Variants in FKBP1B observed in about 807,000 individuals in gnomAD.
The protein encoded by FKBP1B is peptidyl-prolyl cis-trans isomerase FKBP1B.
FKBP1B carries 4 observed loss-of-function variants against 13.5 expected under a neutral mutation model. The ratio of observed to expected loss-of-function variants is 0.30; its 90% CI spans 0.15 to 0.68. The LOEUF (loss-of-function observed/expected upper bound fraction) is 0.68, where lower values mean the gene tolerates loss of function less well. Among genes scored for constraint, FKBP1B ranks in the 30% least tolerant of loss-of-function variants. The probability of loss-of-function intolerance (pLI) is 0.76; values close to 1 mark genes in which losing one functional copy is unlikely to be tolerated. For synonymous variants in FKBP1B, 54 were observed against 53.6 expected (o/e 1.01, Z -0.03); for missense variants, 93 against 136.2 (o/e 0.68, Z 1.58).
In FKBP1B at chr2:24,049,871, A is replaced by G; in HGVS notation, c.22A>G (p.Ile8Val). The G allele has an allele frequency of 7.0e-7, 1 of 1,423,360 alleles. No homozygotes were observed. The highest frequency in any genetic ancestry group is 9.2e-7 in the Non-Finnish European group (1 of 1,086,894). The allele number at this position is 1,423,360 out of a possible 1,614,324, so 88.2% of individuals were successfully genotyped here. The change falls in exon 1 of 4, where the codon ATC becomes GTC. Residue 8 changes from isoleucine (I) to valine (V), a missense_variant. Ile to Val is a conservative substitution (Grantham distance 29, BLOSUM62 3). Transcript: ENST00000380986. ...CGCTATGGGCGTGGAGATCGAGACC[A>G]TCTCCCCCGGAGACGGTACCGGGCT... MGVEIET[I>V]SPGDGRTFPK...
At chr2:24,055,131 A>G (rs1472043051) in intron 2 of FKBP1B, among the ~76,000 whole-genome samples, 1 of 152,066 alleles carries the variant, frequency 6.6e-6, no homozygotes, top group African/African-American at 2.4e-5. Flanking sequence ...AGCATCCCCA[A>G]AAGTCCCCCT....
Position 24,063,470 on chromosome 2 carries a change from AT to A in FKBP1B, c.*279del. On this transcript the variant is annotated 3_prime_UTR_variant, in exon 4 of 4. Transcript: ENST00000380986. The stretch of plus-strand genomic sequence containing the variant: ...AGCCTTTCCTGATGACAGAACACAG[AT>A]CTCTTGTTCGCACAATCTACACTGC... 1 of 358,504 alleles carries A rather than the reference AT, an allele frequency of 2.8e-6. No homozygotes were observed. The highest frequency in any genetic ancestry group is 5.0e-6 in the Non-Finnish European group (1 of 199,890). The allele number at this position is 358,504 out of a possible 1,614,324, so 22.2% of individuals were successfully genotyped here. A position where few individuals can be genotyped will look rare whatever the true frequency, so the allele number is the denominator to read the frequency against.
the FKBP1B span, chr2:24,039,237 A>T: frequency 1.2e-6 from 2 of 1,614,256 alleles, no homozygotes; most frequent in Non-Finnish European, 1.7e-6. Context: ...GCTGCCACAC[A>T]GTGACATGCT....
At chr2:24,049,927 CG>C in intron 1 of FKBP1B, 41 bp downstream of exon 1, 5 of 1,356,704 alleles carry the variant, frequency 3.7e-6, no homozygotes, top group Middle Eastern at 2.7e-4. Flanking sequence ...GGAGGGGTCC[CG>C]GGGCGGAGCC....
chr2:24,035,953 C>T, the FKBP1B span, among the ~76,000 whole-genome samples: 1 of 151,636 alleles, frequency 6.6e-6, no homozygotes, highest in Admixed American at 6.6e-5. Flanking sequence ...CCTGTAATCC[C>T]AGCTACTTGG....
intron 2 of FKBP1B, chr2:24,054,438 G>A (rs987289054): frequency 3.5e-5 from 7 of 198,386 alleles, no homozygotes; most frequent in African/African-American, 2.4e-5. Flanking sequence ...AGCCCAGAGC[G>A]GGACTGATCC....
chr2:24,060,879 AT>A lies in FKBP1B; in HGVS notation c.153del (p.Ile51MetfsTer17). 1 of 1,614,234 alleles carries A rather than the reference AT, an allele frequency of 6.2e-7. No individual in the cohort carries two copies. The highest frequency in any genetic ancestry group is 8.5e-7 in the Non-Finnish European group (1 of 1,180,032). ...RDRNKPFKFR[I>X]GKQEVIKGFE... ...CAGAAACAAACCTTTCAAGTTCAGA[AT>A]TGGCAAACAGGAAGTCATCAAAGGT... On this transcript the variant is annotated frameshift_variant, in exon 3 of 4. Transcript: ENST00000380986. LOFTEE classifies it high-confidence loss of function.
At chr2:24,048,572 T>C (rs760492051), upstream of FKBP1B, among the ~76,000 whole-genome samples, 4 of 151,530 alleles carry the variant, frequency 2.6e-5, no homozygotes, top group Non-Finnish European at 5.9e-5. Context: ...CCTGCCTCGG[T>C]CTCCTACAGT....
chr2:24,038,850 T>A, the FKBP1B span: 2 of 1,614,122 alleles, frequency 1.2e-6, no homozygotes, highest in Non-Finnish European at 1.7e-6. Context: ...TAGCAACCTG[T>A]GAGTCCACAG....
intron 2 of FKBP1B, 37 bp downstream of exon 2, chr2:24,053,986 C>T (rs1228622810): frequency 6.3e-7 from 1 of 1,599,636 alleles, no homozygotes; most frequent in Admixed American, 1.7e-5. Context: ...CCAGTCCTTC[C>T]CCTCCCAAGG....
At chr2:24,046,520 G>A (rs1480923644), upstream of FKBP1B, among the ~76,000 whole-genome samples, 5 of 152,160 alleles carry the variant, frequency 3.3e-5, no homozygotes, top group Non-Finnish European at 7.3e-5. Context: ...AAGAGCCGGT[G>A]CTCAGTATAT....
chr2:24,043,104 C>A, the FKBP1B span, among the ~76,000 whole-genome samples: 1 of 151,616 alleles, frequency 6.6e-6, no homozygotes, highest in East Asian at 1.9e-4. Flanking sequence ...CAGGCCAAGG[C>A]GGGTGGATCA....
the FKBP1B span, chr2:24,038,538 C>G: frequency 6.2e-7 from 1 of 1,614,138 alleles, no homozygotes; most frequent in Admixed American, 1.7e-5. Flanking sequence ...TCACAAGGAC[C>G]AAATGTGAAG....
At chr2:24,039,819 C>T in the FKBP1B span, among the ~76,000 whole-genome samples, 14 of 150,810 alleles carry the variant, frequency 9.3e-5, no homozygotes, top group South Asian at 4.2e-4. Flanking sequence ...TTTTTTGAGA[C>T]GGAGTCTCAC....
chr2:24,048,362 T>C (rs1291975690), upstream of FKBP1B, among the ~76,000 whole-genome samples: 2 of 151,368 alleles, frequency 1.3e-5, no homozygotes, highest in Non-Finnish European at 2.9e-5. Flanking sequence ...TCCCAGCTAC[T>C]TGGGAGACTG....
At chr2:24,036,872 G>A in the FKBP1B span, among the ~76,000 whole-genome samples, 1 of 152,216 alleles carries the variant, frequency 6.6e-6, no homozygotes, top group Admixed American at 6.5e-5. Flanking sequence ...ATGTTAAGCT[G>A]CTGGTTACAG....
intron 1 of FKBP1B, among the ~76,000 whole-genome samples, chr2:24,052,842 G>T (rs774295746): frequency 6.6e-6 from 1 of 151,994 alleles, no homozygotes; most frequent in Non-Finnish European, 1.5e-5. Context: ...ATGGCAGCAT[G>T]CACTTGCAGT....
At chr2:24,038,759 T>C in the FKBP1B span, 206 of 1,614,204 alleles carry the variant, frequency 1.3e-4, 1 homozygote, top group Middle Eastern at 2.0e-3. Flanking sequence ...TACGGAGTCA[T>C]GTCTTTACTG....
upstream of FKBP1B, chr2:24,047,316 T>C (rs1663659252): frequency 6.6e-6 from 1 of 151,746 alleles, no homozygotes; most frequent in East Asian, 1.9e-4. Context: ...TGAAATACCT[T>C]AGGTCTCACT....
Sources: gnomAD v4.1 joint callset for allele counts (sites outside exome capture counted in the v4.1 genomes callset) on GRCh38, gnomAD v4.1.1 for gene constraint, MANE v1.5 for transcripts, NCBI Gene and HGNC (gene_info 2026-07-23, HGNC 2026-07-21) for gene names.